The following DOCK4 variants were observed in gnomAD, a reference collection of about 807,000 sequenced individuals.
DOCK4 encodes the protein dedicator of cytokinesis 4.
DOCK4 carries 97 observed loss-of-function variants against 268.1 expected under a neutral mutation model. That is an observed-to-expected ratio of 0.36 (90% CI 0.31 to 0.43). The LOEUF (loss-of-function observed/expected upper bound fraction) is 0.43. Ranked by LOEUF, DOCK4 falls within the 20% of genes least tolerant of loss-of-function variation. DOCK4 has a pLI of 1.00. For missense variants in DOCK4, 2,145 were observed against 2,455.7 expected, an observed-to-expected ratio of 0.87 and a Z score of 2.67; for synonymous variants, 954 against 887.2, an observed-to-expected ratio of 1.08 and a Z score of -1.34.
intron 8 of DOCK4, among the ~76,000 whole-genome samples, chr7:111,970,523 G>A (rs1372792165): frequency 6.6e-6 from 1 of 152,136 alleles, no homozygotes; most frequent in Non-Finnish European, 1.5e-5. Context: ...GCAGAGAAAT[G>A]ATTCCCTCCC....
At chr7:111,969,740 G>T (rs533115481) in intron 8 of DOCK4, among the ~76,000 whole-genome samples, 1 of 151,746 alleles carries the variant, frequency 6.6e-6, no homozygotes, top group Admixed American at 6.6e-5. Flanking sequence ...AACAGGAGAG[G>T]TAAGAATTAA....
At chr7:111,916,588 A>C (rs1374514836) in intron 12 of DOCK4, among the ~76,000 whole-genome samples, 2 of 152,150 alleles carry the variant, frequency 1.3e-5, no homozygotes, top group South Asian at 4.1e-4. Context: ...CCCAATTATA[A>C]GGACATTACC....
intron 7 of DOCK4, among the ~76,000 whole-genome samples, chr7:111,980,823 G>A (rs1007402064): frequency 6.6e-6 from 1 of 152,224 alleles, no homozygotes; most frequent in Admixed American, 6.5e-5. Flanking sequence ...AAGAATTGCA[G>A]AGTAAGCAGA....
At chr7:111,809,728 G>A (rs1800943096) in intron 28 of DOCK4, among the ~76,000 whole-genome samples, 1 of 152,130 alleles carries the variant, frequency 6.6e-6, no homozygotes, top group South Asian at 2.1e-4. Flanking sequence ...ACAGATGCGT[G>A]GTTTCTCTTG....
At chr7:111,998,341 G>T in intron 4 of DOCK4, 107 bp downstream of exon 4, 4 of 856,606 alleles carry the variant, frequency 4.7e-6, no homozygotes, top group Non-Finnish European at 5.2e-6. Context: ...ACAATGGTAT[G>T]ATCTTCTACA....
chr7:112,060,971 G>A (rs890713420), intron 1 of DOCK4, among the ~76,000 whole-genome samples: 23 of 152,088 alleles, frequency 1.5e-4, no homozygotes, highest in African/African-American at 4.8e-4. Flanking sequence ...TAAATTTTAC[G>A]TGTATTTTAC....
intron 1 of DOCK4, among the ~76,000 whole-genome samples, chr7:112,057,372 GA>G (rs906296399): frequency 6.6e-6 from 1 of 151,964 alleles, no homozygotes; most frequent in African/African-American, 2.4e-5. Context: ...GCAACACAGC[GA>G]AACCCCATCT....
At chr7:112,204,680 T>G (rs1821224464) in intron 1 of DOCK4, among the ~76,000 whole-genome samples, 1 of 152,112 alleles carries the variant, frequency 6.6e-6, no homozygotes, top group Admixed American at 6.5e-5. Flanking sequence ...GTGGGAATGA[T>G]TTTGTTGAAT....
intron 1 of DOCK4, among the ~76,000 whole-genome samples, chr7:112,103,807 G>A (rs1208582100): frequency 1.3e-5 from 2 of 152,126 alleles, no homozygotes; most frequent in Admixed American, 6.5e-5. Context: ...GCTTGAGCCT[G>A]GGAGGCGAAG....
chr7:111,859,345 C>A (rs10808168), intron 23 of DOCK4, among the ~76,000 whole-genome samples: 76,006 of 151,972 alleles, frequency 0.5, 21,273 homozygotes, highest in African/African-American at 0.78. Flanking sequence ...GGAAATGACT[C>A]CATCATAACT....
chr7:111,900,585 C>G (rs1562863696), intron 14 of DOCK4, 49 bp from the exon 15 acceptor site: 1 of 1,565,110 alleles, frequency 6.4e-7, no homozygotes. Context: ...ATCTAAAGAT[C>G]TTTTGAAAAG....
At chr7:111,955,513 T>G (rs1049009390) in intron 8 of DOCK4, among the ~76,000 whole-genome samples, 1 of 152,208 alleles carries the variant, frequency 6.6e-6, no homozygotes, top group Admixed American at 6.5e-5. Context: ...TATAGCCAAT[T>G]CCATTGCCAA....
At chr7:112,082,001 A>C (rs371011228) in intron 1 of DOCK4, among the ~76,000 whole-genome samples, 2 of 152,236 alleles carry the variant, frequency 1.3e-5, no homozygotes, top group Non-Finnish European at 2.9e-5. Context: ...TCCCAGCCTC[A>C]GAATACTCAT....
chr7:112,136,993 C>T (rs1814416364), intron 1 of DOCK4, among the ~76,000 whole-genome samples: 1 of 152,018 alleles, frequency 6.6e-6, no homozygotes. Context: ...GCCTCCAATA[C>T]TGAGCCAAAA....
chr7:111,948,152 G>A (rs1195683737), intron 8 of DOCK4, among the ~76,000 whole-genome samples: 2 of 152,156 alleles, frequency 1.3e-5, no homozygotes, highest in African/African-American at 4.8e-5. Context: ...CAGGTACTCT[G>A]CCAAGGACTT....
chr7:111,828,415 T>C (rs1802563419), intron 26 of DOCK4, among the ~76,000 whole-genome samples: 1 of 152,218 alleles, frequency 6.6e-6, no homozygotes, highest in Non-Finnish European at 1.5e-5. Context: ...AGACCTTTAG[T>C]CTTAGTAGAT....
intron 1 of DOCK4, among the ~76,000 whole-genome samples, chr7:112,077,520 T>C (rs1439617102): frequency 1.3e-5 from 2 of 152,054 alleles, no homozygotes; most frequent in Non-Finnish European, 2.9e-5. Context: ...TGCTTAAGAG[T>C]GATGGAATAC....
intron 1 of DOCK4, among the ~76,000 whole-genome samples, chr7:112,116,378 T>C (rs1228068425): frequency 1.3e-5 from 2 of 152,246 alleles, no homozygotes; most frequent in East Asian, 3.8e-4. Context: ...TATTCTATTG[T>C]ATAGAAACAC....
intron 16 of DOCK4, among the ~76,000 whole-genome samples, chr7:111,881,960 G>A (rs1245967010): frequency 1.3e-5 from 2 of 152,120 alleles, no homozygotes; most frequent in Admixed American, 1.3e-4. Context: ...AGGGAGGTGG[G>A]GATGGTTAAT....
Sources: allele counts gnomAD v4.1 joint callset (sites outside exome capture counted in the v4.1 genomes callset), GRCh38; gene constraint gnomAD v4.1.1; transcripts MANE v1.5; gene names NCBI Gene and HGNC (gene_info 2026-07-23, HGNC 2026-07-21).